UBE2K: variants seen among roughly 807,000 people sequenced by gnomAD.
The protein encoded by UBE2K is ubiquitin conjugating enzyme E2 K, also known as ubiquitin-conjugating enzyme E2 K.
UBE2K carries 6 observed loss-of-function variants against 30.0 expected under a neutral mutation model. That is an observed-to-expected ratio of 0.20 (90% CI 0.11 to 0.39). The LOEUF (loss-of-function observed/expected upper bound fraction) is 0.39. Ranked by LOEUF, UBE2K falls within the 10% of genes least tolerant of loss-of-function variation. The pLI is 1.00. For missense variants in UBE2K, 61 were observed against 241.6 expected (o/e 0.25, Z 4.96); for synonymous variants, 86 against 83.7 (o/e 1.03, Z -0.15).
chr4:39,732,581 G>A (rs967437710), intron 1 of UBE2K, among the ~76,000 whole-genome samples: 1 of 150,814 alleles, frequency 6.6e-6, no homozygotes, highest in Non-Finnish European at 1.5e-5. Flanking sequence ...ATTCAAATTA[G>A]CTTCAACGTT....
chr4:39,705,626 CAA>C (rs1251950876), intron 1 of UBE2K, among the ~76,000 whole-genome samples: 1 of 152,060 alleles, frequency 6.6e-6, no homozygotes, highest in Non-Finnish European at 1.5e-5. Context: ...ATGGTGGGGG[CAA>C]AGAGTAAATG....
intron 3 of UBE2K, among the ~76,000 whole-genome samples, chr4:39,746,830 T>A (rs1325039026): frequency 6.6e-6 from 1 of 152,228 alleles, no homozygotes; most frequent in Admixed American, 6.5e-5. Flanking sequence ...TGTTTCTCCC[T>A]CTCCTCTCTC....
Position 39,716,839 on chromosome 4 carries a change from A to C in UBE2K, c.63+18449A>C, listed in dbSNP as rs533802315. 1.9e-4 allele frequency among the ~76,000 whole-genome samples: 29 copies of C among 152,188 alleles called. No homozygotes were observed. In the East Asian group the frequency reaches 5.4e-3, roughly 29 times the overall value. On this transcript the variant is annotated intron_variant, in intron 1 of 6. Transcript: ENST00000261427. ...ACGGTGAAACCCTGTCTCTACTAAA[A>C]TACAAAAAATTAGTAGGGCACAGCG...
intron 1 of UBE2K, among the ~76,000 whole-genome samples, chr4:39,718,370 C>T (rs942100266): frequency 1.3e-4 from 20 of 152,192 alleles, no homozygotes; most frequent in Middle Eastern, 3.2e-3. Flanking sequence ...TAAAGAGTGC[C>T]GATTGGTGCA....
chr4:39,752,503 A>AT (rs1213610550), intron 3 of UBE2K, among the ~76,000 whole-genome samples: 3 of 151,726 alleles, frequency 2.0e-5, no homozygotes, highest in African/African-American at 7.2e-5. Context: ...CGCCCGGCTA[A>AT]TTTTTTGTAT....
Position 39,698,403 on chromosome 4 carries a change from C to T in UBE2K, c.63+13C>T. 6.2e-7 allele frequency: 1 copy of T among 1,607,218 alleles called. No homozygotes were observed. The highest frequency in any genetic ancestry group is 8.5e-7 in the Non-Finnish European group (1 of 1,177,006). ...GAAGAGCGAGGAGGTCAGAAATGAA[C>T]TCCCGGATATCCCCCACCTCTGCCT... On this transcript the variant is annotated intron_variant, in intron 1 of 6. Transcript: ENST00000261427.
At chr4:39,774,994 T>C in intron 5 of UBE2K, 61 bp downstream of exon 5, 1 of 1,146,694 alleles carries the variant, frequency 8.7e-7, no homozygotes, top group Non-Finnish European at 1.2e-6. Context: ...GCCACTTCAG[T>C]GGTTTGCACA....
At chr4:39,771,004 C>T in intron 4 of UBE2K, 1 of 1,610,712 alleles carries the variant, frequency 6.2e-7, no homozygotes. Flanking sequence ...GCTGACGCTG[C>T]TCACAAGGCT....
intron 4 of UBE2K, among the ~76,000 whole-genome samples, chr4:39,766,212 C>T (rs187752428): frequency 4.5e-4 from 69 of 151,990 alleles, no homozygotes; most frequent in African/African-American, 1.7e-3. Context: ...GAGGGACTGC[C>T]ATACTGTTTC....
intron 4 of UBE2K, chr4:39,770,600 A>C (rs1712730993): frequency 6.3e-7 from 1 of 1,587,568 alleles, no homozygotes; most frequent in East Asian, 2.3e-5. Flanking sequence ...GGCCTCCCGG[A>C]GTCAACAGCA....
At chr4:39,739,287 T>A (rs1208285115) in intron 2 of UBE2K, among the ~76,000 whole-genome samples, 1 of 151,996 alleles carries the variant, frequency 6.6e-6, no homozygotes, top group East Asian at 1.9e-4. Flanking sequence ...AGCCTCGGCC[T>A]CCCAAAGTGC....
intron 4 of UBE2K, among the ~76,000 whole-genome samples, chr4:39,768,919 A>AG (rs1712541059): frequency 6.6e-6 from 1 of 152,090 alleles, no homozygotes; most frequent in Non-Finnish European, 1.5e-5. Context: ...GTGCAGTGGC[A>AG]TGATCTCAGC....
chr4:39,774,964 AT>A, intron 5 of UBE2K, 31 bp downstream of exon 5: 1 of 1,480,164 alleles, frequency 6.8e-7, no homozygotes, highest in Non-Finnish European at 9.3e-7. Flanking sequence ...AGACTTTCTT[AT>A]ATTATGTATG....
intron 1 of UBE2K, among the ~76,000 whole-genome samples, chr4:39,704,675 G>T (rs1288427517): frequency 6.6e-6 from 1 of 151,948 alleles, no homozygotes; most frequent in East Asian, 1.9e-4. Flanking sequence ...CAAGTAGCAG[G>T]GACTAAAGGC....
intron 4 of UBE2K, among the ~76,000 whole-genome samples, chr4:39,761,769 T>C (rs1034955764): frequency 2.0e-5 from 3 of 152,352 alleles, no homozygotes; most frequent in African/African-American, 7.2e-5. Flanking sequence ...TTTTCAGTTA[T>C]ATACTTTTTC....
intron 1 of UBE2K, among the ~76,000 whole-genome samples, chr4:39,701,144 TATTA>T (rs1335166776): frequency 2.0e-5 from 3 of 151,580 alleles, no homozygotes; most frequent in African/African-American, 7.3e-5. Flanking sequence ...TGTTTCTTTT[TATTA>T]ATTAATATTT....
intron 1 of UBE2K, among the ~76,000 whole-genome samples, chr4:39,722,437 TGG>T (rs1056362572): frequency 1.3e-5 from 2 of 152,218 alleles, no homozygotes; most frequent in Non-Finnish European, 2.9e-5. Context: ...TTGATTAAGG[TGG>T]GAACTACAAG....
intron 1 of UBE2K, among the ~76,000 whole-genome samples, chr4:39,736,416 C>T (rs760812675): frequency 1.3e-5 from 2 of 152,140 alleles, no homozygotes; most frequent in African/African-American, 4.8e-5. Flanking sequence ...GAGCCGAGAT[C>T]GTGCCATCGC....
intron 1 of UBE2K, among the ~76,000 whole-genome samples, chr4:39,722,149 A>T (rs1011047102): frequency 6.6e-6 from 1 of 152,182 alleles, no homozygotes; most frequent in African/African-American, 2.4e-5. Flanking sequence ...TTATCTACGT[A>T]ACGTTCACAG....
Sources: allele counts gnomAD v4.1 joint callset (sites outside exome capture counted in the v4.1 genomes callset), GRCh38; gene constraint gnomAD v4.1.1; transcripts MANE v1.5; gene names NCBI Gene and HGNC (gene_info 2026-07-23, HGNC 2026-07-21).